Variants in NME3 observed in about 807,000 individuals in gnomAD.
NME3 encodes the protein nucleoside diphosphate kinase C.
NME3 carries 23 observed loss-of-function variants against 15.8 expected under a neutral mutation model. That is an observed-to-expected ratio of 1.45 (90% CI 1.05 to 2.06). The LOEUF (loss-of-function observed/expected upper bound fraction) is 2.06, where lower values mean the gene tolerates loss of function less well. Among genes scored for constraint, NME3 ranks in the 30% most tolerant of loss-of-function variants. NME3 has a pLI of 0.00. For missense variants in NME3, 354 were observed against 243.2 expected (o/e 1.46, Z -3.03); for synonymous variants, 157 against 104.4 (o/e 1.50, Z -3.07).
rs2042557273 is a variant in NME3, at chr16:1,770,505, T to C, written c.*144A>G. 9.5e-6 allele frequency: 6 copies of C among 632,154 alleles called. No individual in the cohort carries two copies. Among genetic ancestry groups the C allele is most frequent in the Non-Finnish European group, 1.6e-5 (6 of 381,334 alleles). The allele number at this position is 632,154 out of a possible 1,614,324, so 39.2% of individuals were successfully genotyped here. ...GGGATTGGAGAGGCCTGCGCCACCC[T>C]CCATGCAACGTCCAGACAGGTGGAT... On this transcript the variant is annotated 3_prime_UTR_variant, in exon 5 of 5. Transcript: ENST00000219302.
rs776382726 is a variant in NME3, at chr16:1,771,011, C to G, written c.280-18G>C. ...TGCCATACCTGTGCGGAGGAACGGG[C>G]GCGGTATCACGCGGGGGTGGGGGTC... is the stretch of plus-strand genomic sequence containing the variant. On this transcript the variant is annotated intron_variant, in intron 3 of 4. Transcript: ENST00000219302. 3.8e-6 allele frequency: 6 copies of G among 1,591,958 alleles called. No homozygotes were observed. The highest frequency in any genetic ancestry group is 4.3e-6 in the Non-Finnish European group (5 of 1,166,662).
rs183889768 is a variant in NME3, at chr16:1,770,374, C to T, written c.*275G>A. The T allele has an allele frequency of 4.9e-5, 19 of 390,390 alleles. No individual in the cohort carries two copies. The highest frequency in any genetic ancestry group is 6.6e-4 in the Middle Eastern group (1 of 1,526). 24.2% of individuals were successfully genotyped at this position (390,390 alleles called of 1,614,324 possible). On this transcript the variant is annotated 3_prime_UTR_variant, in exon 5 of 5. Coordinates refer to ENST00000219302, the MANE Select transcript of NME3 (RefSeq NM_002513.3). ...AAACGAGGACTTTATTATAAAAAAA[C>T]GTTGGACCACGTTGGGCTGGGCACC...
At chr16:1,771,442 C>T (rs1208233382) in intron 1 of NME3, 32 bp from the exon 2 acceptor site, 19 of 1,403,914 alleles carry the variant, frequency 1.4e-5, no homozygotes, top group Middle Eastern at 5.2e-4. Context: ...GCCGTCAGGC[C>T]GGCCCAGCAC....
intron 1 of NME3, 39 bp downstream of exon 1, chr16:1,771,450 C>A: frequency 7.2e-7 from 1 of 1,388,072 alleles, no homozygotes; most frequent in South Asian, 1.7e-5. Flanking sequence ...GCCGGCCCAG[C>A]ACCGGCCACC....
In NME3 at chr16:1,770,539, G is replaced by C; in HGVS notation, c.*110C>G. 1.3e-6 allele frequency: 1 copy of C among 786,168 alleles called. No individual in the cohort carries two copies. Among genetic ancestry groups the C allele is most frequent in the Non-Finnish European group, 2.0e-6 (1 of 511,074 alleles). The allele number at this position is 786,168 out of a possible 1,614,324, so 48.7% of individuals were successfully genotyped here. The stretch of plus-strand genomic sequence containing the variant: ...CGTCCAGACAGGTGGATGTTCAGCA[G>C]CCCGTCCAAAGGGATGCTCCAAGCG... On this transcript the variant is annotated 3_prime_UTR_variant, in exon 5 of 5. Transcript: ENST00000219302.
Position 1,770,733 on chromosome 16 carries a change from A to C in NME3, c.426T>G (p.Ser142Arg), listed in dbSNP as rs752687177. 6.3e-7 allele frequency: 1 copy of C among 1,594,580 alleles called. No homozygotes were observed. Among genetic ancestry groups the C allele is most frequent in the African/African-American group, 1.3e-5 (1 of 74,534 alleles). The part of the protein sequence containing the change: ...NLIHGSDSVE[S>R]ARREIALWFR... ...ACCAGAGAGCGATCTCGCGGCGGGCACTCTCCACCGAGTCGCTGCCGTGAA... is the reference window on the plus strand; with the variant it reads ...ACCAGAGAGCGATCTCGCGGCGGGCCCTCTCCACCGAGTCGCTGCCGTGAA... The change falls in exon 5 of 5, where the codon AGT becomes AGG. Residue 142 changes from serine (S) to arginine (R), a missense_variant. By Grantham distance (110) the Ser-to-Arg change is moderately radical (BLOSUM62 -1). Coordinates refer to ENST00000219302, the MANE Select transcript of NME3 (RefSeq NM_002513.3).
At position 1,770,545 on chromosome 16, in the gene NME3, C is replaced by T. The variant is rs2042559132; in HGVS notation, c.*104G>A. 3.5e-6 allele frequency: 3 copies of T among 853,506 alleles called. 1 individual carries two copies. In the South Asian group the frequency reaches 5.3e-5, roughly 15 times the overall value. The allele number at this position is 853,506 out of a possible 1,614,324, so 52.9% of individuals were successfully genotyped here. The stretch of plus-strand genomic sequence containing the variant: ...GACAGGTGGATGTTCAGCAGCCCGT[C>T]CAAAGGGATGCTCCAAGCGCTGTGG... On this transcript the variant is annotated 3_prime_UTR_variant, in exon 5 of 5. Coordinates refer to ENST00000219302, the MANE Select transcript of NME3 (RefSeq NM_002513.3).
At position 1,770,865 on chromosome 16, in the gene NME3, C is replaced by G. The variant is rs1482040953; in HGVS notation, c.392+16G>C. On this transcript the variant is annotated intron_variant, in intron 4 of 4. Coordinates refer to ENST00000219302, the MANE Select transcript of NME3 (RefSeq NM_002513.3). ...AGGCCGGACGGGGCTGGGACCGTCC[C>G]CGGGGCGGGCCTTACTTGCCAACCT... 6.4e-7 allele frequency: 1 copy of G among 1,565,750 alleles called. No homozygotes were observed. Among genetic ancestry groups the G allele is most frequent in the African/African-American group, 1.4e-5 (1 of 74,006 alleles).
At position 1,770,879 on chromosome 16, in the gene NME3, A is replaced by G. The variant is rs1308204608; in HGVS notation, c.392+2T>C. On this transcript the variant is annotated splice_donor_variant, in intron 4 of 4. Transcript: ENST00000219302. LOFTEE classifies it high-confidence loss of function. ...TGGGACCGTCCCCGGGGCGGGCCTT[A>G]CTTGCCAACCTCGATGCAGAAATCC... 1.3e-6 allele frequency: 2 copies of G among 1,570,558 alleles called. No homozygotes were observed. Among genetic ancestry groups the G allele is most frequent in the East Asian group, 2.3e-5 (1 of 44,154 alleles).
Position 1,771,505 on chromosome 16 carries a change from A to T in NME3, c.30T>A (p.Ala10=), listed in dbSNP as rs2141976321. The T allele has an allele frequency of 7.7e-7, 1 of 1,299,378 alleles. No homozygotes were observed. The highest frequency in any genetic ancestry group is 2.5e-5 in the South Asian group (1 of 39,740). 80.5% of individuals were successfully genotyped at this position (1,299,378 alleles called of 1,614,324 possible). MICLVLTIF[A]NLFPAACTGA... is the part of the protein sequence containing the mutation. ...GCGGCTCACCCGCGGGGAAGAGGTT[A>T]GCGAAGATGGTCAGCACCAGGCAGA... The change falls in exon 1 of 5, where the codon GCT becomes GCA. Residue 10 remains alanine (A), a synonymous_variant. Transcript: ENST00000219302.
Position 1,771,010 on chromosome 16 carries a change from G to T in NME3, c.280-17C>A. 6.3e-7 allele frequency: 1 copy of T among 1,593,788 alleles called. No homozygotes were observed. On this transcript the variant is annotated splice_polypyrimidine_tract_variant and intron_variant, in intron 3 of 4. Coordinates refer to ENST00000219302, the MANE Select transcript of NME3 (RefSeq NM_002513.3). ...CTGCCATACCTGTGCGGAGGAACGG[G>T]CGCGGTATCACGCGGGGGTGGGGGT...
At position 1,770,986 on chromosome 16, in the gene NME3, T is replaced by G. The variant is rs1046077939; in HGVS notation, c.287A>C (p.Gln96Pro). 1.9e-6 allele frequency: 3 copies of G among 1,591,380 alleles called. No individual in the cohort carries two copies. Among genetic ancestry groups the G allele is most frequent in the Non-Finnish European group, 8.6e-7 (1 of 1,165,714 alleles). The change falls in exon 4 of 5, where the codon CAG becomes CCG. Residue 96 changes from glutamine to proline, a missense_variant. Physicochemically the swap from Gln to Pro is moderately conservative, Grantham distance 76. Transcript: ENST00000219302. ...ASGPVVAMVW[Q>P]GLDVVRTSRA... is the part of the protein sequence containing the mutation. The stretch of plus-strand genomic sequence containing the variant: ...CGAGGTGCGCACCACGTCCAGCCCC[T>G]GCCATACCTGTGCGGAGGAACGGGC...
In NME3 at chr16:1,770,679, C is replaced by G. The variant is rs770681629; in HGVS notation, c.480G>C (p.Glu160Asp). Residue 160 changes from glutamate (E) to aspartate (D), a missense_variant, in exon 5 of 5, where the codon GAG (glutamate) becomes GAC (aspartate). By Grantham distance (45) the Glu-to-Asp change is conservative. Transcript: ENST00000219302. ...CATACAGCCAGTGCCCAGCGCTGTC[C>G]TCCCAGCAGAGGAGCTCGTCTGCGC... is the stretch of plus-strand genomic sequence containing the variant. The part of the protein sequence containing the change: ...WFRADELLCW[E>D]DSAGHWLYE 5 of 1,584,830 alleles carry G rather than the reference C, an allele frequency of 3.2e-6. No individual in the cohort carries two copies. In the Middle Eastern group the frequency reaches 5.3e-4, roughly 167 times the overall value.
chr16:1,771,125 C>T lies in NME3; in HGVS notation c.224G>A (p.Arg75His), dbSNP rs752249333. 1.7e-4 allele frequency: 271 copies of T among 1,609,198 alleles called. No individual in the cohort carries two copies. Among genetic ancestry groups the T allele is most frequent in the Non-Finnish European group, 2.2e-4 (262 of 1,179,152 alleles). ...CTTGACAAGGCGGCCGTAGAACGGG[C>T]GTTCACGCAGCTCGGCGTAGTGCTC... ...LREHYAELRE[R>H]PFYGRLVKYM... Residue 75 changes from arginine to histidine, a missense_variant, in exon 3 of 5, where the codon CGC (arginine) becomes CAC (histidine). Coordinates refer to ENST00000219302, the MANE Select transcript of NME3 (RefSeq NM_002513.3).
At chr16:1,771,217 G>A in intron 2 of NME3, 46 bp from the exon 3 acceptor site, 1 of 1,566,590 alleles carries the variant, frequency 6.4e-7, no homozygotes, top group Non-Finnish European at 8.6e-7. Context: ...GCACCTAGGC[G>A]TCCCCAGGTC....
At position 1,771,427 on chromosome 16, in the gene NME3, G is replaced by A; in HGVS notation, c.47-17C>T. 1.3e-6 allele frequency: 2 copies of A among 1,521,608 alleles called. No individual in the cohort carries two copies. Among genetic ancestry groups the A allele is most frequent in the Non-Finnish European group, 1.8e-6 (2 of 1,137,376 alleles). 94.3% of individuals were successfully genotyped at this position (1,521,608 alleles called of 1,614,324 possible). A position where few individuals can be genotyped will look rare whatever the true frequency, so the allele number is the denominator to read the frequency against. ...CGGTGCAGGCTGCGGGGCAGGCGGG[G>A]ACGGGCCGTCAGGCCGGCCCAGCAC... On this transcript the variant is annotated splice_polypyrimidine_tract_variant and intron_variant, in intron 1 of 4. Coordinates refer to ENST00000219302, the MANE Select transcript of NME3 (RefSeq NM_002513.3).
Position 1,770,753 on chromosome 16 carries a change from C to A in NME3, c.406G>T (p.Gly136Cys). 1 of 1,601,416 alleles carries A rather than the reference C, an allele frequency of 6.2e-7. No homozygotes were observed. The highest frequency in any genetic ancestry group is 8.5e-7 in the Non-Finnish European group (1 of 1,175,034). ...CGGGCACTCTCCACCGAGTCGCTGCCGTGAATCAGGTTCCTGCGCGGAAGA... is the reference window on the plus strand; with the variant it reads ...CGGGCACTCTCCACCGAGTCGCTGCAGTGAATCAGGTTCCTGCGCGGAAGA... ...CIEVGKNLIH[G>C]SDSVESARRE... The change falls in exon 5 of 5, where the codon GGC becomes TGC. Residue 136 changes from glycine (G) to cysteine (C), a missense_variant. Gly to Cys is a radical substitution (Grantham distance 159, BLOSUM62 -3). Coordinates refer to ENST00000219302, the MANE Select transcript of NME3 (RefSeq NM_002513.3).
At position 1,771,341 on chromosome 16, in the gene NME3, C is replaced by T; in HGVS notation, c.116G>A (p.Gly39Asp). The T allele has an allele frequency of 1.3e-6, 2 of 1,597,222 alleles. No homozygotes were observed. Among genetic ancestry groups the T allele is most frequent in the South Asian group, 2.2e-5 (2 of 89,050 alleles). ...CCTCTCGAAGCGCCGCACAATCTCG[C>T]CCACCAGCCGCCGCTGCACGCCGTC... Reference protein sequence around the residue: ...KPDGVQRRLVGEIVRRFERKG... With the variant: ...KPDGVQRRLVDEIVRRFERKG... Residue 39 changes from glycine (G) to aspartate (D), a missense_variant, in exon 2 of 5, where the codon GGC becomes GAC. By Grantham distance (94) the Gly-to-Asp change is moderately conservative. Coordinates refer to ENST00000219302, the MANE Select transcript of NME3 (RefSeq NM_002513.3).
Position 1,770,553 on chromosome 16 carries a change from A to G in NME3, c.*96T>C. ...GATGTTCAGCAGCCCGTCCAAAGGGATGCTCCAAGCGCTGTGGGGTGGGGC... is the reference window on the plus strand; with the variant it reads ...GATGTTCAGCAGCCCGTCCAAAGGGGTGCTCCAAGCGCTGTGGGGTGGGGC... On this transcript the variant is annotated 3_prime_UTR_variant, in exon 5 of 5. Transcript: ENST00000219302. 1 of 907,548 alleles carries G rather than the reference A, an allele frequency of 1.1e-6. No homozygotes were observed. Among genetic ancestry groups the G allele is most frequent in the Non-Finnish European group, 1.6e-6 (1 of 615,666 alleles). The allele number at this position is 907,548 out of a possible 1,614,324, so 56.2% of individuals were successfully genotyped here.
Sources: allele counts gnomAD v4.1 joint callset, GRCh38; gene constraint gnomAD v4.1.1; transcripts MANE v1.5; gene names NCBI Gene and HGNC (gene_info 2026-07-23, HGNC 2026-07-21).